The following ZBTB38 variants were observed in gnomAD, a reference collection of about 807,000 sequenced individuals.
The protein encoded by ZBTB38 is zinc finger and BTB domain-containing protein 38.
A neutral mutation model predicts 76.8 loss-of-function variants in ZBTB38; 20 were observed. The observed-to-expected ratio is 0.26, with a 90% CI of 0.18 to 0.38. The LOEUF (loss-of-function observed/expected upper bound fraction) is 0.38, where lower values mean the gene tolerates loss of function less well. ZBTB38 is among the 10% of genes least tolerant of loss of function. The pLI, the probability that ZBTB38 is intolerant of heterozygous loss-of-function variation, is 1.00. For missense variants in ZBTB38, 1,082 were observed against 1,482.3 expected (o/e 0.73, Z 4.43); for synonymous variants, 504 against 544.2 (o/e 0.93, Z 1.03).
At chr3:141,414,801 A>T (rs977626818) in intron 5 of ZBTB38, among the ~76,000 whole-genome samples, 4 of 152,152 alleles carry the variant, frequency 2.6e-5, no homozygotes, top group African/African-American at 7.2e-5. Context: ...TGGTCCAAGG[A>T]TGTTTTCTGA....
Position 141,444,227 on chromosome 3 carries a change from A to G in ZBTB38, c.1839A>G (p.Leu613=). 1 of 1,614,230 alleles carries G rather than the reference A, an allele frequency of 6.2e-7. No individual in the cohort carries two copies. The highest frequency in any genetic ancestry group is 8.5e-7 in the Non-Finnish European group (1 of 1,180,032). Residue 613 remains leucine, a synonymous_variant, in exon 6 of 6, where the codon TTA becomes TTG. Coordinates refer to ENST00000321464, the MANE Select transcript of ZBTB38 (RefSeq NM_001376113.1). This position sits in a 1 kb window ranked among gnomAD's most constrained non-coding sequence, Gnocchi z 5.1. The stretch of plus-strand genomic sequence containing the variant: ...TTCAGAATCCACACAGCTCTGAATT[A>G]CCAACGCTGAATTTCCAAGATACTG... ...YVVQNPHSSE[L]PTLNFQDTVN...
chr3:141,345,996 G>A (rs1304355852), intron 1 of ZBTB38, among the ~76,000 whole-genome samples: 9 of 152,140 alleles, frequency 5.9e-5, no homozygotes, highest in Non-Finnish European at 1.5e-5. Context: ...GCAGTTTCTG[G>A]CTTACAGAGG....
At chr3:141,432,322 A>G (rs1443324030) in intron 5 of ZBTB38, 2 of 968,056 alleles carry the variant, frequency 2.1e-6, no homozygotes, top group African/African-American at 3.5e-5. Context: ...ACAACTTGCC[A>G]TAGATGGAGG....
At chr3:141,409,923 C>G (rs1258913816) in intron 5 of ZBTB38, among the ~76,000 whole-genome samples, 1 of 152,266 alleles carries the variant, frequency 6.6e-6, no homozygotes, top group South Asian at 2.1e-4. Flanking sequence ...TTGCCCAGAG[C>G]CCCTGCAGGG....
chr3:141,372,100 G>A (rs533407804), intron 2 of ZBTB38, among the ~76,000 whole-genome samples: 1 of 152,308 alleles, frequency 6.6e-6, no homozygotes, highest in Admixed American at 6.5e-5. Flanking sequence ...GGGGATACCT[G>A]TTACTGGCCA....
Position 141,446,178 on chromosome 3 carries a change from A to G in ZBTB38, c.*202A>G. On this transcript the variant is annotated 3_prime_UTR_variant, in exon 6 of 6. Transcript: ENST00000321464. ...TTAACTTTATGCAAAGTGCACAAAA[A>G]CAAAATAGCTGACTCCTCCAATATC... 7.2e-6 allele frequency: 3 copies of G among 419,576 alleles called. No individual in the cohort carries two copies. Among genetic ancestry groups the G allele is most frequent in the Non-Finnish European group, 1.2e-5 (3 of 244,304 alleles). 26.0% of individuals were successfully genotyped at this position (419,576 alleles called of 1,614,324 possible).
chr3:141,417,534 C>T (rs1320607181), intron 5 of ZBTB38, among the ~76,000 whole-genome samples: 1 of 152,144 alleles, frequency 6.6e-6, no homozygotes, highest in African/African-American at 2.4e-5. Context: ...ATTCTTCATC[C>T]AAATAGCTTT....
intron 1 of ZBTB38, among the ~76,000 whole-genome samples, chr3:141,333,372 A>G (rs1942910701): frequency 1.3e-5 from 2 of 151,866 alleles, no homozygotes; most frequent in Non-Finnish European, 2.9e-5. Context: ...GGCCCACTTC[A>G]TCCCTGCTTC....
intron 5 of ZBTB38, among the ~76,000 whole-genome samples, chr3:141,432,614 G>A (rs56339671): frequency 0.11 from 16,284 of 152,188 alleles, 1,001 homozygotes; most frequent in East Asian, 0.28. Flanking sequence ...TGCATAATAG[G>A]TGCATTAGTT....
At chr3:141,340,970 G>GAAAT (rs767489717) in intron 1 of ZBTB38, among the ~76,000 whole-genome samples, 1 of 92,150 alleles carries the variant, frequency 1.1e-5, no homozygotes, top group East Asian at 2.4e-4. Context: ...AAGAAAGAAA[G>GAAAT]AAAGAAAGAA....
At chr3:141,349,012 G>A (rs981023460) in intron 1 of ZBTB38, among the ~76,000 whole-genome samples, 2 of 152,150 alleles carry the variant, frequency 1.3e-5, no homozygotes, top group African/African-American at 4.8e-5. Context: ...AAGAGACTAG[G>A]CAACTCATAA....
intron 5 of ZBTB38, chr3:141,438,327 GTTC>G (rs1303099865): frequency 6.6e-6 from 1 of 150,824 alleles, no homozygotes; most frequent in Non-Finnish European, 1.5e-5. Context: ...GGTTCAAGCA[GTTC>G]TTCTCTCTCA....
chr3:141,368,977 C>T (rs116322446), intron 1 of ZBTB38, among the ~76,000 whole-genome samples, 173 bp downstream of exon 1: 1 of 128,586 alleles, frequency 7.8e-6, no homozygotes, highest in African/African-American at 3.0e-5. Flanking sequence ...TCTCTCTCCA[C>T]AGGATCAGAA....
At chr3:141,400,753 T>G (rs1951676789) in intron 4 of ZBTB38, among the ~76,000 whole-genome samples, 1 of 152,232 alleles carries the variant, frequency 6.6e-6, no homozygotes, top group African/African-American at 2.4e-5. Flanking sequence ...ATTATCTCAT[T>G]TAGTTCTTAA....
intron 5 of ZBTB38, among the ~76,000 whole-genome samples, chr3:141,439,353 C>G (rs1399295891): frequency 6.6e-6 from 1 of 152,144 alleles, no homozygotes; most frequent in Non-Finnish European, 1.5e-5. Flanking sequence ...TTCTGACACA[C>G]AAAGGTAGAT....
chr3:141,418,261 T>C (rs1173258739), intron 5 of ZBTB38, among the ~76,000 whole-genome samples: 1 of 152,234 alleles, frequency 6.6e-6, no homozygotes, highest in East Asian at 1.9e-4. Flanking sequence ...GCCCTGCACA[T>C]GCCTGTGGGG....
intron 4 of ZBTB38, among the ~76,000 whole-genome samples, chr3:141,400,420 C>T (rs950011309): frequency 6.6e-6 from 1 of 152,110 alleles, no homozygotes; most frequent in Non-Finnish European, 1.5e-5. Context: ...AACCCAGAGC[C>T]GGTTTTACCC....
intron 5 of ZBTB38, among the ~76,000 whole-genome samples, chr3:141,427,317 C>T (rs1196191962): frequency 1.3e-5 from 2 of 152,080 alleles, no homozygotes; most frequent in East Asian, 3.8e-4. Flanking sequence ...ATAATAAGTA[C>T]TATGAAGGAA....
rs2081236431 is a variant in ZBTB38 at position 141,448,174 on chromosome 3, G to A, written c.*2198G>A. 1 of 152,552 alleles carries A rather than the reference G, an allele frequency of 6.6e-6. No individual in the cohort carries two copies. Among genetic ancestry groups the A allele is most frequent in the African/African-American group, 2.4e-5 (1 of 41,418 alleles). The allele number at this position is 152,552 out of a possible 1,614,324, so 9.4% of individuals were successfully genotyped here. The stretch of plus-strand genomic sequence containing the variant: ...CCCCAAATATAAAATTACCTGTAGT[G>A]ATGTCTCTCTCCCAGCCCTTATATG... On this transcript the variant is annotated 3_prime_UTR_variant, in exon 6 of 6. Transcript: ENST00000321464.
Sources: allele counts gnomAD v4.1 joint callset (sites outside exome capture counted in the v4.1 genomes callset), GRCh38; gene constraint gnomAD v4.1.1; non-coding constraint Gnocchi (gnomAD v3.1); transcripts MANE v1.5; gene names NCBI Gene and HGNC (gene_info 2026-07-23, HGNC 2026-07-21).